The following PXDNL variants were observed in gnomAD, a reference collection of about 807,000 sequenced individuals.
PXDNL encodes the protein probable oxidoreductase PXDNL.
A neutral mutation model predicts 150.8 loss-of-function variants in PXDNL; 145 were observed. The ratio of observed to expected loss-of-function variants is 0.96; its 90% confidence interval spans 0.84 to 1.10. PXDNL has a LOEUF of 1.10. Ranked by LOEUF, PXDNL falls within the 50% of genes least tolerant of loss-of-function variation. PXDNL has a pLI of 0.00. For missense variants in PXDNL, 2,087 were observed against 1,873.9 expected (o/e 1.11, Z -2.10); for synonymous variants, 757 against 725.7 (o/e 1.04, Z -0.69).
intron 4 of PXDNL, among the ~76,000 whole-genome samples, chr8:51,522,602 G>A (rs1389039430): frequency 6.6e-6 from 1 of 150,652 alleles, no homozygotes; most frequent in African/African-American, 2.4e-5. Flanking sequence ...CCAGCACTTT[G>A]GGGGGCCGAA....
chr8:51,556,698 C>T, intron 4 of PXDNL, 142 bp downstream of exon 4: 1 of 621,588 alleles, frequency 1.6e-6, no homozygotes, highest in Non-Finnish European at 2.9e-6. Flanking sequence ...GATTTTTATC[C>T]AACTGATGAC....
chr8:51,479,319 A>G (rs1226650369), intron 6 of PXDNL, among the ~76,000 whole-genome samples: 2 of 152,218 alleles, frequency 1.3e-5, no homozygotes, highest in Non-Finnish European at 2.9e-5. Flanking sequence ...AAATATACAA[A>G]GACAGTGACT....
intron 1 of PXDNL, among the ~76,000 whole-genome samples, chr8:51,726,074 C>G (rs536864874): frequency 6.6e-6 from 1 of 152,310 alleles, no homozygotes; most frequent in Non-Finnish European, 1.5e-5. Flanking sequence ...GAAATTCTGT[C>G]CTTGATTCTG....
intron 1 of PXDNL, among the ~76,000 whole-genome samples, chr8:51,740,576 T>C (rs2036894782): frequency 2.0e-5 from 3 of 152,240 alleles, no homozygotes; most frequent in African/African-American, 7.2e-5. Context: ...ATTTCTCTAA[T>C]GATCAGTGAT....
Position 51,592,676 on chromosome 8 carries a change from T to C in PXDNL, c.259A>G (p.Arg87Gly), listed in dbSNP as rs1813469927. Residue 87 changes from arginine to glycine, a missense_variant, in exon 3 of 23, where the codon AGA becomes GGA. Arg to Gly is a moderately radical substitution (Grantham distance 125). Transcript: ENST00000356297. ...NTLLLNNNHI[R>G]KISRNAFEGL... ...TCAAAAGCATTTCTGGAAATCTTTC[T>C]GATGTGGTTGTTGTTCAGCAGACTG... The C allele has an allele frequency of 1.3e-6, 2 of 1,548,300 alleles. No individual in the cohort carries two copies. The highest frequency in any genetic ancestry group is 8.7e-7 in the Non-Finnish European group (1 of 1,146,272).
chr8:51,367,179 A>G (rs2915495), intron 19 of PXDNL, among the ~76,000 whole-genome samples: 116,442 of 150,160 alleles, frequency 0.78, 45,846 homozygotes, highest in East Asian at 0.95. Flanking sequence ...TGATGAAACC[A>G]TTTCAATTTA....
chr8:51,702,797 C>A (rs1049533282), intron 1 of PXDNL, among the ~76,000 whole-genome samples: 1 of 152,092 alleles, frequency 6.6e-6, no homozygotes, highest in Non-Finnish European at 1.5e-5. Flanking sequence ...CATCAATGGC[C>A]CCCACTTGAT....
chr8:51,745,437 A>G (rs1311639715), intron 1 of PXDNL, among the ~76,000 whole-genome samples: 5 of 152,212 alleles, frequency 3.3e-5, no homozygotes, highest in Non-Finnish European at 4.4e-5. Flanking sequence ...TAAAAATCCT[A>G]TCCATCTCTC....
chr8:51,487,857 A>G (rs553914104), intron 5 of PXDNL, among the ~76,000 whole-genome samples: 3 of 152,326 alleles, frequency 2.0e-5, no homozygotes, highest in Non-Finnish European at 4.4e-5. Flanking sequence ...GTTAGTACTT[A>G]TGAATGTAAC....
At chr8:51,801,613 A>C (rs1258477110) in intron 1 of PXDNL, among the ~76,000 whole-genome samples, 1 of 152,114 alleles carries the variant, frequency 6.6e-6, no homozygotes, top group East Asian at 1.9e-4. Context: ...AGACTGGCTG[A>C]CACTTAGGGA....
intron 7 of PXDNL, among the ~76,000 whole-genome samples, chr8:51,472,683 C>CT (rs1265152674): frequency 6.6e-6 from 1 of 152,176 alleles, no homozygotes; most frequent in Non-Finnish European, 1.5e-5. Flanking sequence ...AATTAGCTAT[C>CT]TAAGCACCCA....
chr8:51,729,216 G>A (rs749612655), intron 1 of PXDNL, among the ~76,000 whole-genome samples: 1 of 152,072 alleles, frequency 6.6e-6, no homozygotes, highest in Non-Finnish European at 1.5e-5. Context: ...ACACTGTCAA[G>A]AGAATGAAAA....
intron 19 of PXDNL, among the ~76,000 whole-genome samples, chr8:51,366,043 T>C (rs560527814): frequency 6.6e-6 from 1 of 152,190 alleles, no homozygotes; most frequent in Non-Finnish European, 1.5e-5. Flanking sequence ...CACACAAAAT[T>C]ACTTGACATT....
At chr8:51,386,646 G>A (rs909275980) in intron 17 of PXDNL, among the ~76,000 whole-genome samples, 12 of 151,184 alleles carry the variant, frequency 7.9e-5, no homozygotes, top group South Asian at 4.2e-4. Flanking sequence ...TGGAAACGTC[G>A]TCTCTACTAA....
chr8:51,746,932 A>C (rs555128884), intron 1 of PXDNL, among the ~76,000 whole-genome samples: 11 of 152,182 alleles, frequency 7.2e-5, no homozygotes, highest in Non-Finnish European at 1.3e-4. Context: ...CCTGTTGGCC[A>C]GGCTGGTCTT....
chr8:51,438,556 A>C (rs946978770), intron 12 of PXDNL, among the ~76,000 whole-genome samples: 29 of 152,186 alleles, frequency 1.9e-4, no homozygotes, highest in African/African-American at 5.8e-4. Flanking sequence ...TCCACTAAAA[A>C]TACAAAAAAT....
In PXDNL at chr8:51,320,035, A is replaced by C; in HGVS notation, c.4261-13T>G. 6.9e-7 allele frequency: 1 copy of C among 1,459,850 alleles called. No homozygotes were observed. The highest frequency in any genetic ancestry group is 9.1e-7 in the Non-Finnish European group (1 of 1,102,326). 90.4% of individuals were successfully genotyped at this position (1,459,850 alleles called of 1,614,324 possible). On this transcript the variant is annotated splice_polypyrimidine_tract_variant and intron_variant, in intron 22 of 22. Coordinates refer to ENST00000356297, the MANE Select transcript of PXDNL (RefSeq NM_144651.5). The stretch of plus-strand genomic sequence containing the variant: ...TGACCTGGCCACTCTGAAAGGCAGC[A>C]TGCACATATCACCTCCATGTTTCTT...
intron 4 of PXDNL, among the ~76,000 whole-genome samples, chr8:51,529,316 T>C (rs1295030139): frequency 6.6e-6 from 1 of 152,196 alleles, no homozygotes; most frequent in Non-Finnish European, 1.5e-5. Flanking sequence ...TCTGCCTCCA[T>C]GTTTGCACCT....
intron 2 of PXDNL, among the ~76,000 whole-genome samples, chr8:51,626,469 T>G (rs2130745378): frequency 6.6e-6 from 1 of 152,262 alleles, no homozygotes. Context: ...AGAGGGCCCC[T>G]TCTTTCTCTA....
Sources: allele counts gnomAD v4.1 joint callset (sites outside exome capture counted in the v4.1 genomes callset), GRCh38; gene constraint gnomAD v4.1.1; transcripts MANE v1.5; gene names NCBI Gene and HGNC (gene_info 2026-07-23, HGNC 2026-07-21).